The following RALGDS variants were observed in gnomAD, a reference collection of about 807,000 sequenced individuals.
RALGDS encodes ral guanine nucleotide dissociation stimulator.
RALGDS carries 44 observed loss-of-function variants against 99.8 expected under a neutral mutation model. The ratio of observed to expected loss-of-function variants is 0.44; its 90% CI spans 0.35 to 0.57. The LOEUF is 0.57. Among genes scored for constraint, RALGDS ranks in the 20% least tolerant of loss-of-function variants. RALGDS has a pLI of 0.01. For synonymous variants in RALGDS, 529 were observed against 505.0 expected (o/e 1.05, Z -0.64); for missense variants, 1,022 against 1,203.1 (o/e 0.85, Z 2.23).
chr9:133,144,664 C>A lies in RALGDS; in HGVS notation c.18+4299G>T, dbSNP rs1431208917. On this transcript the variant is annotated intron_variant, in intron 1 of 17. Transcript: ENST00000393160. This position sits in a 1 kb window ranked among gnomAD's most constrained non-coding sequence, Gnocchi z 4.5. ...CAGGCGGGCTCCGCTCACGCCCCCA[C>A]ACCCCCTGGCTGGGGGCTGGGTTCC... is the stretch of plus-strand genomic sequence containing the variant. Among the ~76,000 whole-genome samples the A allele has an allele frequency of 6.6e-6, 1 of 152,246 alleles. No homozygotes were observed. Among genetic ancestry groups the A allele is most frequent in the African/African-American group, 2.4e-5 (1 of 41,474 alleles).
chr9:133,108,487 G>A (rs945771534), intron 5 of RALGDS, 81 bp from the exon 6 acceptor site: 4 of 1,461,654 alleles, frequency 2.7e-6, no homozygotes, highest in Non-Finnish European at 3.7e-6. Flanking sequence ...GGCTTCCAGA[G>A]AAGCCTCTCT....
chr9:133,100,702 G>A, intron 16 of RALGDS: 1 of 1,237,238 alleles, frequency 8.1e-7, no homozygotes. Context: ...CAGGATAACA[G>A]CATCACTGAG....
intron 1 of RALGDS, among the ~76,000 whole-genome samples, chr9:133,117,297 G>T (rs1275351438): frequency 6.6e-6 from 1 of 152,200 alleles, no homozygotes; most frequent in African/African-American, 2.4e-5. Flanking sequence ...TGAGGAAACT[G>T]AGGCTCAGGA....
At position 133,105,825 on chromosome 9, in the gene RALGDS, G is replaced by GGCC; in HGVS notation, c.1602+106_1602+107insGGC. On this transcript the variant is annotated intron_variant, in intron 9 of 17. Transcript: ENST00000372050. Reference sequence around the variant, plus strand: ...GCGAATGCCACCGCCCGCCGCCCCAGCCCCCGCCCCAGCCCCCGCCCCAGC... The same window carrying GGCC: ...GCGAATGCCACCGCCCGCCGCCCCAGGCCCCCCCGCCCCAGCCCCCGCCCCAGC... 2 of 87,590 alleles carry GGCC rather than the reference G, an allele frequency of 2.3e-5. 1 individual carries two copies. Among genetic ancestry groups the GGCC allele is most frequent in the Non-Finnish European group, 3.8e-5 (2 of 52,574 alleles). The allele number at this position is 87,590 out of a possible 1,614,324, so 5.4% of individuals were successfully genotyped here. A position where few individuals can be genotyped will look rare whatever the true frequency, so the allele number is the denominator to read the frequency against.
chr9:133,098,537 T>C lies in RALGDS; in HGVS notation c.*50A>G, dbSNP rs936978309. ...GGCGCCCAGCTGGCCTGGGCCACTC[T>C]GGTCCATAAGTGCTTGGCTACCAGC... On this transcript the variant is annotated 3_prime_UTR_variant, in exon 18 of 18. Transcript: ENST00000372050. 9 of 1,605,324 alleles carry C rather than the reference T, an allele frequency of 5.6e-6. No homozygotes were observed. The highest frequency in any genetic ancestry group is 2.7e-5 in the African/African-American group (2 of 74,772).
Position 133,130,223 on chromosome 9 carries a change from G to C in RALGDS, c.132+729C>G, listed in dbSNP as rs368834562. 1.9e-3 allele frequency among the ~76,000 whole-genome samples: 288 copies of C among 152,292 alleles called. 5 individuals are homozygous for C. Among genetic ancestry groups the C allele is most frequent in the African/African-American group, 6.7e-3 (279 of 41,546 alleles). ...CTGACCTCGTGATATGCCTGCCTCAGCCTCCCAAAGTGCTGGGATTACAGG... is the reference window on the plus strand; with the variant it reads ...CTGACCTCGTGATATGCCTGCCTCACCCTCCCAAAGTGCTGGGATTACAGG... On this transcript the variant is annotated intron_variant, in intron 1 of 17. Coordinates refer to the RALGDS transcript ENST00000372062.
intron 1 of RALGDS, among the ~76,000 whole-genome samples, chr9:133,138,630 C>G (rs1038484498): frequency 1.3e-5 from 2 of 152,184 alleles, no homozygotes; most frequent in Non-Finnish European, 2.9e-5. Context: ...ACGGCTCCGG[C>G]CTGGGCCTGG....
intron 7 of RALGDS, 33 bp from the exon 8 acceptor site, chr9:133,106,781 G>T: frequency 6.6e-7 from 1 of 1,514,828 alleles, no homozygotes; most frequent in Non-Finnish European, 9.1e-7. Flanking sequence ...CATGAGGTGG[G>T]GCTGGAGCTC....
chr9:133,103,594 G>A, intron 11 of RALGDS, 153 bp downstream of exon 11: 1 of 856,034 alleles, frequency 1.2e-6, no homozygotes, highest in Admixed American at 1.8e-5. Flanking sequence ...GCCAAACCCT[G>A]CTGCAGCTCT....
At chr9:133,111,343 T>C (rs180711373) in intron 2 of RALGDS, among the ~76,000 whole-genome samples, 4,516 of 151,900 alleles carry the variant, frequency 0.03, 239 homozygotes, top group African/African-American at 0.1. Flanking sequence ...TGCAGTGGTG[T>C]GATCTCGGCT....
At chr9:133,120,840 T>G in intron 1 of RALGDS, 132 bp downstream of exon 1, 8 of 1,030,158 alleles carry the variant, frequency 7.8e-6, no homozygotes, top group African/African-American at 1.7e-5. Context: ...CCCCCACCTA[T>G]GGAGGAGAGA....
intron 1 of RALGDS, chr9:133,129,478 T>C: frequency 1.5e-6 from 2 of 1,375,994 alleles, no homozygotes; most frequent in Non-Finnish European, 1.9e-6. Flanking sequence ...GGACCAGGAA[T>C]TCCCGCTTGT....
Position 133,121,012 on chromosome 9 carries a change from TGCA to T in RALGDS, c.140_142del (p.Leu47del), listed in dbSNP as rs1199861706. 18 of 1,498,202 alleles carry T rather than the reference TGCA, an allele frequency of 1.2e-5. No individual in the cohort carries two copies. Among genetic ancestry groups the T allele is most frequent in the Non-Finnish European group, 1.6e-5 (18 of 1,130,536 alleles). The allele number at this position is 1,498,202 out of a possible 1,614,324, so 92.8% of individuals were successfully genotyped here. On this transcript the variant is annotated inframe_deletion, in exon 1 of 18. Transcript: ENST00000372050. ...GTCGGGGTCTAGCTGCGTGAAGCTG[TGCA>T]GCACCACCGGGCAGCTGTCGGGGAC...
At position 133,144,199 on chromosome 9, in the gene RALGDS, C is replaced by T. The variant is rs1832586061; in HGVS notation, c.18+4764G>A. Among the ~76,000 whole-genome samples the T allele has an allele frequency of 6.6e-6, 1 of 152,150 alleles. No homozygotes were observed. The highest frequency in any genetic ancestry group is 1.5e-5 in the Non-Finnish European group (1 of 68,014). The stretch of plus-strand genomic sequence containing the variant: ...CTGCAAACCGCAGTGTCATCAGCCG[C>T]ACGGCCTCTGGAGAGGCCTGAGAAA... On this transcript the variant is annotated intron_variant, in intron 1 of 17. Coordinates refer to the RALGDS transcript ENST00000393160. This position sits in a 1 kb window ranked among gnomAD's most constrained non-coding sequence, Gnocchi z 4.5.
upstream of RALGDS, among the ~76,000 whole-genome samples, chr9:133,132,649 T>G (rs1009584036): frequency 6.6e-6 from 1 of 151,834 alleles, no homozygotes; most frequent in African/African-American, 2.4e-5. Context: ...TTTTCTTTTT[T>G]TTTTGTTTGA....
chr9:133,123,616 T>G (rs997974191), upstream of RALGDS, among the ~76,000 whole-genome samples: 1 of 152,232 alleles, frequency 6.6e-6, no homozygotes, highest in African/African-American at 2.4e-5. Flanking sequence ...CTTGTTCCCC[T>G]ACCTTTGGGA....
chr9:133,107,024 A>C, intron 7 of RALGDS, 61 bp downstream of exon 7: 1 of 1,578,946 alleles, frequency 6.3e-7, no homozygotes, highest in Non-Finnish European at 8.7e-7. Flanking sequence ...CTTGGACTGC[A>C]GACCACAACC....
In RALGDS at chr9:133,104,158, G is replaced by T. The variant is rs1588514561; in HGVS notation, c.1671+105C>A. ...GTGGCTCTGCTAGGGTCCAGAGGAG[G>T]CTACCTCTAATGGGGCCCATAGGCA... On this transcript the variant is annotated intron_variant, in intron 10 of 17. Coordinates refer to ENST00000372050, the MANE Select transcript of RALGDS (RefSeq NM_006266.4). The T allele has an allele frequency of 1.5e-5, 18 of 1,210,434 alleles. No homozygotes were observed. The East Asian group carries it at 3.8e-4, about 26-fold the overall frequency. The allele number at this position is 1,210,434 out of a possible 1,614,324, so 75.0% of individuals were successfully genotyped here.
chr9:133,121,275 TG>T, upstream of RALGDS: 2 of 857,726 alleles, frequency 2.3e-6, no homozygotes, highest in Non-Finnish European at 1.4e-6. Context: ...GATGTCAGGC[TG>T]GGGGGCGGGG....
Sources: gnomAD v4.1 joint callset for allele counts (sites outside exome capture counted in the v4.1 genomes callset) on GRCh38, gnomAD v4.1.1 for gene constraint, Gnocchi (gnomAD v3.1) non-coding constraint, MANE v1.5 for transcripts, NCBI Gene and HGNC (gene_info 2026-07-23, HGNC 2026-07-21) for gene names.